PSPC1: variants seen among roughly 807,000 people sequenced by gnomAD.
PSPC1 encodes paraspeckle protein 1.
PSPC1 carries 14 observed loss-of-function variants against 51.6 expected under a neutral mutation model. That is an observed-to-expected ratio of 0.27 (90% CI 0.18 to 0.42). PSPC1 has a LOEUF of 0.42. PSPC1 is among the 10% of genes least tolerant of loss of function. The pLI is 1.00. For missense variants in PSPC1, 406 were observed against 701.1 expected, an observed-to-expected ratio of 0.58 and a Z score of 4.75; for synonymous variants, 193 against 231.9, an observed-to-expected ratio of 0.83 and a Z score of 1.53.
chr13:19,731,743 TA>T (rs1264046738), intron 5 of PSPC1, among the ~76,000 whole-genome samples: 2 of 152,152 alleles, frequency 1.3e-5, no homozygotes, highest in African/African-American at 2.4e-5. Context: ...ACATGATGTT[TA>T]AAAAAATGCT....
chr13:19,729,195 C>T (rs1396787336), intron 6 of PSPC1, among the ~76,000 whole-genome samples: 1 of 152,020 alleles, frequency 6.6e-6, no homozygotes, highest in Non-Finnish European at 1.5e-5. Flanking sequence ...ATATTGTCAC[C>T]TAATGCTTTT....
At chr13:19,718,796 G>T (rs1185665893) in intron 6 of PSPC1, among the ~76,000 whole-genome samples, 5 of 152,154 alleles carry the variant, frequency 3.3e-5, no homozygotes, top group African/African-American at 1.2e-4. Context: ...GTGCTAAAAA[G>T]AAATGAGCTA....
At chr13:19,709,514 A>G (rs1237490319) in intron 7 of PSPC1, 28 bp downstream of exon 7, 1 of 1,589,976 alleles carries the variant, frequency 6.3e-7, no homozygotes, top group Non-Finnish European at 8.6e-7. Flanking sequence ...ATGATAAATT[A>G]CAAAAGCCTT....
chr13:19,672,494 TG>T (rs1473992077), downstream of PSPC1: 1 of 134,566 alleles, frequency 7.4e-6, no homozygotes, highest in Non-Finnish European at 1.5e-5. Flanking sequence ...TGAACTTCTG[TG>T]CTTAAAAAAA....
chr13:19,694,312 T>C (rs1043560118), intron 6 of PSPC1, among the ~76,000 whole-genome samples: 12 of 152,004 alleles, frequency 7.9e-5, no homozygotes, highest in Non-Finnish European at 1.3e-4. Context: ...AAAATGTGAC[T>C]AAATTATTCT....
chr13:19,775,886 T>A (rs993297086), intron 1 of PSPC1, among the ~76,000 whole-genome samples: 5 of 151,924 alleles, frequency 3.3e-5, no homozygotes, highest in African/African-American at 1.2e-4. Flanking sequence ...CCGTCTCTAC[T>A]AAAAGTACAA....
At chr13:19,749,220 C>T (rs1043400966) in intron 4 of PSPC1, among the ~76,000 whole-genome samples, 2 of 152,034 alleles carry the variant, frequency 1.3e-5, no homozygotes, top group Non-Finnish European at 2.9e-5. Context: ...TAGAGGCATA[C>T]ACTTGTAATC....
downstream of PSPC1, chr13:19,671,344 A>T: frequency 3.3e-6 from 5 of 1,498,404 alleles, no homozygotes; most frequent in Non-Finnish European, 4.6e-6. Flanking sequence ...GCTCCAGATT[A>T]CTTTATCAAC....
chr13:19,677,779 C>T, exon 7 of PSPC1: 1 of 488,472 alleles, frequency 2.0e-6, no homozygotes, highest in South Asian at 1.5e-5. Context: ...AATTACACTG[C>T]AAGCTGAACT....
chr13:19,766,727 T>C (rs1186534714), intron 2 of PSPC1, among the ~76,000 whole-genome samples: 1 of 151,878 alleles, frequency 6.6e-6, no homozygotes, highest in African/African-American at 2.4e-5. Flanking sequence ...TGGTGGTGCA[T>C]GCCTATAGTC....
chr13:19,690,815 T>C (rs564452659), intron 6 of PSPC1, among the ~76,000 whole-genome samples: 10 of 152,328 alleles, frequency 6.6e-5, no homozygotes, highest in African/African-American at 2.4e-4. Context: ...CTTTCCTCTT[T>C]AGACAGGGTA....
chr13:19,708,125 A>G (rs1270811042), intron 7 of PSPC1, among the ~76,000 whole-genome samples: 1 of 152,228 alleles, frequency 6.6e-6, no homozygotes, highest in Non-Finnish European at 1.5e-5. Flanking sequence ...AAAGTGACCA[A>G]GTAAAACAGC....
chr13:19,723,778 G>A (rs9579667), intron 6 of PSPC1, among the ~76,000 whole-genome samples: 17,278 of 152,042 alleles, frequency 0.11, 1,260 homozygotes, highest in African/African-American at 0.2. Flanking sequence ...ATTATGTACC[G>A]TGCCAAATAT....
At chr13:19,675,954 C>CTTTG (rs1876587135) in intron 7 of PSPC1, 1 of 152,170 alleles carries the variant, frequency 6.6e-6, no homozygotes, top group Non-Finnish European at 1.5e-5. Flanking sequence ...TTTTCACTGA[C>CTTTG]TTTGTTAGAA....
intron 6 of PSPC1, among the ~76,000 whole-genome samples, chr13:19,710,201 C>T (rs1486474057): frequency 6.6e-6 from 1 of 152,202 alleles, no homozygotes; most frequent in Non-Finnish European, 1.5e-5. Context: ...CATAACATTG[C>T]TTTCCTTTAA....
At chr13:19,776,339 G>A (rs1024340027) in intron 1 of PSPC1, among the ~76,000 whole-genome samples, 28 of 151,958 alleles carry the variant, frequency 1.8e-4, no homozygotes, top group African/African-American at 5.3e-4. Context: ...GGTGGTGTGT[G>A]CCTGCGGTCC....
chr13:19,737,853 G>T (rs1885011308), intron 5 of PSPC1, among the ~76,000 whole-genome samples: 1 of 152,066 alleles, frequency 6.6e-6, no homozygotes, highest in South Asian at 2.1e-4. Flanking sequence ...CGGAGGCTGA[G>T]GCAGGAAAGA....
chr13:19,729,536 CAAA>C (rs551133605), intron 6 of PSPC1, among the ~76,000 whole-genome samples: 3 of 95,218 alleles, frequency 3.2e-5, no homozygotes, highest in Non-Finnish European at 4.6e-5. Flanking sequence ...GATTCCGTCT[CAAA>C]AAAAAAAAAA....
At chr13:19,761,129 G>C (rs151329512) in intron 2 of PSPC1, among the ~76,000 whole-genome samples, 14 of 152,170 alleles carry the variant, frequency 9.2e-5, no homozygotes, top group African/African-American at 3.1e-4. Context: ...TGGGCAATAA[G>C]GCAAGATGTC....
Sources: gnomAD v4.1 joint callset for allele counts (sites outside exome capture counted in the v4.1 genomes callset) on GRCh38, gnomAD v4.1.1 for gene constraint, MANE v1.5 for transcripts, NCBI Gene and HGNC (gene_info 2026-07-23, HGNC 2026-07-21) for gene names.